The following SYCP2 variants were observed in gnomAD, a reference collection of about 807,000 sequenced individuals.
SYCP2 encodes the protein synaptonemal complex protein 2.
SYCP2 carries 55 observed loss-of-function variants against 211.3 expected under a neutral mutation model. That is an observed-to-expected ratio of 0.26 (90% CI 0.21 to 0.33). The LOEUF (loss-of-function observed/expected upper bound fraction) is 0.33. SYCP2 is among the 10% of genes least tolerant of loss of function. The probability of loss-of-function intolerance (pLI) is 1.00; values close to 1 mark genes in which losing one functional copy is unlikely to be tolerated. For missense variants in SYCP2, 1,731 were observed against 1,752.0 expected (o/e 0.99, Z 0.21); for synonymous variants, 570 against 555.2 (o/e 1.03, Z -0.37).
Position 59,930,398 on chromosome 20 carries a change from TAAGAG to T in SYCP2, c.-47+1659_-47+1663del, listed in dbSNP as rs373003971. Among the ~76,000 whole-genome samples the T allele has an allele frequency of 2.2e-3, 331 of 152,308 alleles. 4 individuals are homozygous for T. The highest frequency in any genetic ancestry group is 7.3e-3 in the African/African-American group (303 of 41,562). The stretch of plus-strand genomic sequence containing the variant: ...GATAGCATGTGAGCAAGTGCTTAGG[TAAGAG>T]AAAAGAGATATTGTCAAATCCTTCC... On this transcript the variant is annotated intron_variant, in intron 2 of 44. Coordinates refer to ENST00000357552, the MANE Select transcript of SYCP2 (RefSeq NM_014258.4).
chr20:59,881,079 G>T, intron 29 of SYCP2, 56 bp from the exon 30 acceptor site: 1 of 1,016,926 alleles, frequency 9.8e-7, no homozygotes, highest in East Asian at 2.7e-5. Flanking sequence ...TTTTCTTAAG[G>T]TAATACACAA....
At chr20:59,927,593 C>T (rs964732) in intron 2 of SYCP2, among the ~76,000 whole-genome samples, 19,186 of 152,074 alleles carry the variant, frequency 0.13, 1,503 homozygotes, top group East Asian at 0.29. Context: ...AGGAAAAGAA[C>T]CATCCAGATA....
Position 59,892,142 on chromosome 20 carries a change from T to A in SYCP2, c.2212A>T (p.Ile738Leu). 1 of 1,612,208 alleles carries A rather than the reference T, an allele frequency of 6.2e-7. No homozygotes were observed. Among genetic ancestry groups the A allele is most frequent in the African/African-American group, 1.3e-5 (1 of 74,916 alleles). ...LLNKTIEESL[I>L]YRKKYILSKD... ...GACAATATGTATTTCTTCCTATATA[T>A]CAGCGATTCTTCAATTGTCTTATTT... is the stretch of plus-strand genomic sequence containing the variant. Residue 738 changes from isoleucine (I) to leucine (L), a missense_variant, in exon 24 of 45, where the codon ATA (isoleucine) becomes TTA (leucine). Physicochemically the swap from Ile to Leu is conservative, Grantham distance 5. This residue lies in a region of SYCP2 where 1,387 missense variants were observed against 1,351.3 expected (regional missense o/e 1.03). Transcript: ENST00000357552.
At chr20:59,920,901 T>A (rs2060529441) in intron 4 of SYCP2, among the ~76,000 whole-genome samples, 1 of 151,674 alleles carries the variant, frequency 6.6e-6, no homozygotes, top group South Asian at 2.1e-4. Flanking sequence ...GCCTTAAATA[T>A]GATTAAATTC....
chr20:59,883,878 G>A (rs1400654659), intron 26 of SYCP2, among the ~76,000 whole-genome samples: 3 of 151,396 alleles, frequency 2.0e-5, no homozygotes. Flanking sequence ...ATTATATTTG[G>A]GATATTTGCT....
chr20:59,921,475 C>T (rs971886313), intron 3 of SYCP2, 22 bp from the exon 4 acceptor site: 2 of 1,549,272 alleles, frequency 1.3e-6, no homozygotes, highest in Admixed American at 1.9e-5. Flanking sequence ...TATTTAATGG[C>T]ACATACTGTA....
Position 59,900,280 on chromosome 20 carries a change from A to G in SYCP2, c.1262T>C (p.Leu421Pro). ...ILFDASGSQI[L>P]VPESQISPVG... ...TGGTGAGATTTGACTTTCTGGCACT[A>G]GAATCTGTTGGAGAATATGAAAAAA... The change falls in exon 18 of 45, where the codon CTA (leucine) becomes CCA (proline). Residue 421 changes from leucine to proline, a missense_variant. Around this residue, in one of 3 missense-constraint regions of SYCP2, gnomAD observed 1,387 missense variants for 1,351.3 expected, o/e 1.03. Transcript: ENST00000357552. The G allele has an allele frequency of 6.3e-7, 1 of 1,598,442 alleles. No homozygotes were observed. Among genetic ancestry groups the G allele is most frequent in the Non-Finnish European group, 8.5e-7 (1 of 1,175,606 alleles).
At position 59,916,375 on chromosome 20, in the gene SYCP2, A is replaced by C. The variant is rs1187960364; in HGVS notation, c.513+111T>G. The C allele has an allele frequency of 3.1e-5, 20 of 645,792 alleles. No homozygotes were observed. In the Admixed American group the frequency reaches 5.5e-4, roughly 18 times the overall value. The allele number at this position is 645,792 out of a possible 1,614,324, so 40.0% of individuals were successfully genotyped here. On this transcript the variant is annotated intron_variant, in intron 8 of 44. Coordinates refer to ENST00000357552, the MANE Select transcript of SYCP2 (RefSeq NM_014258.4). ...AGGCAATAGATTATGATAGAAATAT[A>C]CTCCAAGCTAAGTAATTTTGTCCTA...
At chr20:59,872,591 T>C (rs2059474389) in intron 35 of SYCP2, among the ~76,000 whole-genome samples, 1 of 151,990 alleles carries the variant, frequency 6.6e-6, no homozygotes, top group African/African-American at 2.4e-5. Flanking sequence ...AAAGATAGTA[T>C]ATATAGCATT....
At position 59,916,513 on chromosome 20, in the gene SYCP2, T is replaced by G. The variant is rs2060445564; in HGVS notation, c.486A>C (p.Ser162=). 1.9e-6 allele frequency: 3 copies of G among 1,609,828 alleles called. No homozygotes were observed. Among genetic ancestry groups the G allele is most frequent in the Non-Finnish European group, 2.6e-6 (3 of 1,176,412 alleles). Residue 162 remains serine (S), a synonymous_variant, in exon 8 of 45, where the codon TCA becomes TCC. Transcript: ENST00000357552. ...CTTGCTGAATACAAATATTCACTCT[T>G]GAGTCAATAACCAGGGAACAAATGC... The part of the protein sequence containing the change: ...VPRICSLVID[S]RVNICIQQEI...
Position 59,885,659 on chromosome 20 carries a change from C to T in SYCP2, c.2529+269G>A, listed in dbSNP as rs1054624036. Among the ~76,000 whole-genome samples the T allele has an allele frequency of 8.9e-5, 13 of 146,210 alleles. No homozygotes were observed. The South Asian group carries it at 1.3e-3, about 14-fold the overall frequency. On this transcript the variant is annotated intron_variant, in intron 26 of 44. Coordinates refer to ENST00000357552, the MANE Select transcript of SYCP2 (RefSeq NM_014258.4). ...AAAAATACACACACACACACACGCG[C>T]GCACGCGCGATAAGGATATACTGAA...
chr20:59,880,136 G>A (rs1407145952), intron 31 of SYCP2, among the ~76,000 whole-genome samples, 167 bp downstream of exon 31: 3 of 151,038 alleles, frequency 2.0e-5, no homozygotes, highest in South Asian at 4.2e-4. Flanking sequence ...AAATATAACC[G>A]TATTACTAAA....
At chr20:59,905,269 TGAGA>T (rs1360171351) in intron 15 of SYCP2, among the ~76,000 whole-genome samples, 1 of 152,152 alleles carries the variant, frequency 6.6e-6, no homozygotes, top group African/African-American at 2.4e-5. Flanking sequence ...AGTATTTACC[TGAGA>T]AATAAAAACA....
At position 59,905,920 on chromosome 20, in the gene SYCP2, T is replaced by C. The variant is rs376145026; in HGVS notation, c.1033+1444A>G. On this transcript the variant is annotated intron_variant, in intron 15 of 44. Coordinates refer to ENST00000357552, the MANE Select transcript of SYCP2 (RefSeq NM_014258.4). ...AAAGGAGGGAGGGAGTGCATAAGGA[T>C]CAGAAAGAAAGTAGTAAAACTACCT... Among the ~76,000 whole-genome samples the C allele has an allele frequency of 2.6e-5, 4 of 152,056 alleles. No individual in the cohort carries two copies. The South Asian group carries it at 6.2e-4, about 24-fold the overall frequency.
chr20:59,930,105 C>G (rs2060708599), intron 2 of SYCP2, among the ~76,000 whole-genome samples: 1 of 152,130 alleles, frequency 6.6e-6, no homozygotes, highest in African/African-American at 2.4e-5. Context: ...AGGACTCAGC[C>G]CTACCCCCAG....
In SYCP2 at chr20:59,920,341, T is replaced by A; in HGVS notation, c.297+18A>T. 6 of 1,550,510 alleles carry A rather than the reference T, an allele frequency of 3.9e-6. No homozygotes were observed. The highest frequency in any genetic ancestry group is 4.4e-6 in the Non-Finnish European group (5 of 1,132,814). ...TAATATTTCATTCACATGAATATGT[T>A]ACATATTCTATACTTATCTTTTGTA... On this transcript the variant is annotated intron_variant, in intron 5 of 44. Transcript: ENST00000357552.
chr20:59,926,431 T>G (rs1907383589), intron 2 of SYCP2, among the ~76,000 whole-genome samples: 1 of 152,096 alleles, frequency 6.6e-6, no homozygotes, highest in African/African-American at 2.4e-5. Flanking sequence ...ATCCACTCTC[T>G]GCCTCCTTTA....
chr20:59,918,590 G>C (rs2060484231), intron 7 of SYCP2, among the ~76,000 whole-genome samples: 1 of 152,124 alleles, frequency 6.6e-6, no homozygotes, highest in Non-Finnish European at 1.5e-5. Context: ...ATTCTAAAAT[G>C]CAAATGTTAA....
intron 14 of SYCP2, among the ~76,000 whole-genome samples, chr20:59,910,877 T>A (rs1413843396): frequency 6.6e-6 from 1 of 151,960 alleles, no homozygotes; most frequent in Non-Finnish European, 1.5e-5. Flanking sequence ...AAACTGTCAG[T>A]GCCCCTGAGA....
Sources: allele counts gnomAD v4.1 joint callset (sites outside exome capture counted in the v4.1 genomes callset), GRCh38; gene constraint gnomAD v4.1.1; regional missense constraint gnomAD v4.1.1; transcripts MANE v1.5; gene names NCBI Gene and HGNC (gene_info 2026-07-23, HGNC 2026-07-21).